The following MAGI3 variants were observed in gnomAD, a reference collection of about 807,000 sequenced individuals.
MAGI3 encodes membrane-associated guanylate kinase, WW and PDZ domain-containing protein 3.
Under a neutral mutation model 121.8 loss-of-function variants are expected in MAGI3, and 43 were observed. That is an observed-to-expected ratio of 0.35 (90% CI 0.28 to 0.46). The LOEUF (loss-of-function observed/expected upper bound fraction) is 0.46. Ranked by LOEUF, MAGI3 falls within the 20% of genes least tolerant of loss-of-function variation. MAGI3 has a pLI of 1.00. For missense variants in MAGI3, 1,547 were observed against 1,797.3 expected, an observed-to-expected ratio of 0.86 and a Z score of 2.52; for synonymous variants, 553 against 639.3, an observed-to-expected ratio of 0.86 and a Z score of 2.04.
intron 1 of MAGI3, among the ~76,000 whole-genome samples, chr1:113,427,495 G>C (rs143619946): frequency 2.8e-4 from 42 of 152,294 alleles, no homozygotes; most frequent in African/African-American, 9.1e-4. Flanking sequence ...TCAATCCTGG[G>C]GAGGAATGAG....
intron 1 of MAGI3, among the ~76,000 whole-genome samples, chr1:113,437,987 T>A (rs1228250778): frequency 1.3e-5 from 2 of 150,776 alleles, no homozygotes; most frequent in Non-Finnish European, 2.9e-5. Context: ...GAGACAGGGA[T>A]CTCTCTATGT....
chr1:113,420,846 A>G (rs2101380112), intron 1 of MAGI3, among the ~76,000 whole-genome samples: 1 of 152,296 alleles, frequency 6.6e-6, no homozygotes, highest in African/African-American at 2.4e-5. Flanking sequence ...AGGGAATACA[A>G]GTCAAATGTC....
chr1:113,583,541 A>G (rs1648169720), intron 3 of MAGI3, among the ~76,000 whole-genome samples: 1 of 152,128 alleles, frequency 6.6e-6, no homozygotes, highest in African/African-American at 2.4e-5. Context: ...CTACTACCTT[A>G]CTTAGAAAAA....
rs568168540 is a variant in MAGI3 at position 113,485,375 on chromosome 1, G to A, written c.317-64140G>A. Among the ~76,000 whole-genome samples, 18 of 152,202 alleles carry A rather than the reference G, an allele frequency of 1.2e-4. 1 individual carries two copies. The South Asian group carries it at 1.9e-3, about 16-fold the overall frequency. Reference sequence around the variant, plus strand: ...TCTTTCAGGAATGAAGTGATGTCACGTTGTGGTTTTGATTTGCATTTCCCT... The same window carrying A: ...TCTTTCAGGAATGAAGTGATGTCACATTGTGGTTTTGATTTGCATTTCCCT... On this transcript the variant is annotated intron_variant, in intron 1 of 20. Transcript: ENST00000307546.
At chr1:113,672,117 C>T (rs540997185) in intron 17 of MAGI3, among the ~76,000 whole-genome samples, 6 of 152,360 alleles carry the variant, frequency 3.9e-5, no homozygotes, top group Non-Finnish European at 8.8e-5. Context: ...TAGCATCTGG[C>T]TCTGCTACTC....
At chr1:113,466,915 ATTG>A (rs1266803686) in intron 1 of MAGI3, among the ~76,000 whole-genome samples, 3 of 151,336 alleles carry the variant, frequency 2.0e-5, no homozygotes, top group African/African-American at 4.9e-5. Flanking sequence ...GATCTTCTGT[ATTG>A]TTTTTTAAGT....
chr1:113,396,186 T>C (rs1047946750), intron 1 of MAGI3, among the ~76,000 whole-genome samples: 10 of 152,044 alleles, frequency 6.6e-5, no homozygotes, highest in Admixed American at 6.6e-5. Flanking sequence ...TTTGTAATTT[T>C]TGGGGGGACT....
chr1:113,574,053 C>T (rs1647472647), intron 2 of MAGI3, among the ~76,000 whole-genome samples: 1 of 152,010 alleles, frequency 6.6e-6, no homozygotes, highest in South Asian at 2.1e-4. Context: ...GTAAATATTC[C>T]TCCATCCATT....
chr1:113,598,464 C>T (rs1301279958), intron 6 of MAGI3, among the ~76,000 whole-genome samples: 4 of 151,902 alleles, frequency 2.6e-5, no homozygotes, highest in Non-Finnish European at 2.9e-5. Context: ...TTCCTATAGA[C>T]TCAACGTAAA....
chr1:113,637,450 G>T (rs1462077620), intron 9 of MAGI3, among the ~76,000 whole-genome samples: 2 of 152,142 alleles, frequency 1.3e-5, no homozygotes, highest in African/African-American at 4.8e-5. Context: ...CTCAGCATTT[G>T]CTTGTCTGTA....
rs1650837759 is a variant in MAGI3 at position 113,391,834 on chromosome 1, A to T, written c.316+485A>T. ...GCTTAGCTGCTTCAGTGTTTCTTGC[A>T]CTCTAGCAGACATCTCAGAGCTGAC... On this transcript the variant is annotated intron_variant, in intron 1 of 20. Transcript: ENST00000307546. This position sits in a 1 kb window ranked among gnomAD's most constrained non-coding sequence, Gnocchi z 4.4. 6.6e-6 allele frequency among the ~76,000 whole-genome samples: 1 copy of T among 152,096 alleles called. No individual in the cohort carries two copies. The highest frequency in any genetic ancestry group is 1.5e-5 in the Non-Finnish European group (1 of 68,016).
intron 1 of MAGI3, among the ~76,000 whole-genome samples, chr1:113,540,064 G>C (rs1400644646): frequency 6.6e-6 from 1 of 152,088 alleles, no homozygotes; most frequent in African/African-American, 2.4e-5. Context: ...CTTCTCAAAA[G>C]TGCTGGAATT....
At chr1:113,647,074 G>A (rs1310426203) in intron 12 of MAGI3, among the ~76,000 whole-genome samples, 6 of 152,224 alleles carry the variant, frequency 3.9e-5, no homozygotes, top group Non-Finnish European at 8.8e-5. Context: ...AGTAGGAAGT[G>A]TCAGGAAAAG....
intron 2 of MAGI3, among the ~76,000 whole-genome samples, chr1:113,570,046 C>G (rs528473954): frequency 6.6e-6 from 1 of 152,172 alleles, no homozygotes; most frequent in South Asian, 2.1e-4. Flanking sequence ...CCCCTTGCCC[C>G]CCACACCCCG....
intron 9 of MAGI3, among the ~76,000 whole-genome samples, chr1:113,640,838 C>T (rs1483052057): frequency 6.7e-6 from 1 of 148,482 alleles, no homozygotes; most frequent in Non-Finnish European, 1.5e-5. Flanking sequence ...CACACTTATA[C>T]CTATGTAACA....
chr1:113,628,220 A>G (rs1168480593), intron 9 of MAGI3, among the ~76,000 whole-genome samples: 1 of 152,132 alleles, frequency 6.6e-6, no homozygotes, highest in Non-Finnish European at 1.5e-5. Context: ...ACGCTAGAAA[A>G]TACTATATTA....
At chr1:113,430,126 A>T (rs1653225904) in intron 1 of MAGI3, among the ~76,000 whole-genome samples, 1 of 152,112 alleles carries the variant, frequency 6.6e-6, no homozygotes, top group Non-Finnish European at 1.5e-5. Context: ...TATAATATAG[A>T]AGTAAGGGGA....
intron 1 of MAGI3, among the ~76,000 whole-genome samples, chr1:113,434,331 A>T (rs1653453616): frequency 6.6e-6 from 1 of 152,152 alleles, no homozygotes; most frequent in South Asian, 2.1e-4. Flanking sequence ...ACACTTTGGG[A>T]GGCTGAGGTG....
At chr1:113,401,676 C>T (rs1435760162) in intron 1 of MAGI3, among the ~76,000 whole-genome samples, 3 of 152,104 alleles carry the variant, frequency 2.0e-5, no homozygotes, top group Non-Finnish European at 2.9e-5. Context: ...GGTGTTAGCA[C>T]ATTTACTGAG....
Sources: allele counts gnomAD v4.1 joint callset (sites outside exome capture counted in the v4.1 genomes callset), GRCh38; gene constraint gnomAD v4.1.1; non-coding constraint Gnocchi (gnomAD v3.1); transcripts MANE v1.5; gene names NCBI Gene and HGNC (gene_info 2026-07-23, HGNC 2026-07-21).